MOK: variants seen among roughly 807,000 people sequenced by gnomAD.
MOK encodes MAPK/MAK/MRK overlapping kinase.
MOK carries 59 observed loss-of-function variants against 54.2 expected under a neutral mutation model. That is an observed-to-expected ratio of 1.09 (90% CI 0.88 to 1.35). The LOEUF is 1.35. MOK is among the 40% of genes most tolerant of loss of function. The probability of loss-of-function intolerance (pLI) is 0.00; values close to 1 mark genes in which losing one functional copy is unlikely to be tolerated. For missense variants in MOK, 517 were observed against 526.2 expected, an observed-to-expected ratio of 0.98 and a Z score of 0.17; for synonymous variants, 210 against 202.7, an observed-to-expected ratio of 1.04 and a Z score of -0.31.
rs191603691 is a variant in MOK, at chr14:102,271,960, C to G, written c.123-6048G>C. 3.0e-3 allele frequency among the ~76,000 whole-genome samples: 457 copies of G among 152,224 alleles called. 10 individuals are homozygous for G. Among genetic ancestry groups the G allele is most frequent in the Admixed American group, 0.023 (353 of 15,270 alleles). On this transcript the variant is annotated intron_variant, in intron 2 of 11. Transcript: ENST00000361847. ...GTAGTGTAATCACTGCTTACTGCAG[C>G]CTTGACCTCCTGATCTTAAGCCATC...
At chr14:102,295,925 C>T (rs945348001) in intron 1 of MOK, among the ~76,000 whole-genome samples, 7 of 152,148 alleles carry the variant, frequency 4.6e-5, no homozygotes, top group Admixed American at 3.3e-4. Flanking sequence ...CACTTCAGAT[C>T]AGGAGTTCAT....
At chr14:102,298,174 A>T (rs2071670128) in intron 1 of MOK, among the ~76,000 whole-genome samples, 1 of 152,224 alleles carries the variant, frequency 6.6e-6, no homozygotes, top group Non-Finnish European at 1.5e-5. Flanking sequence ...GGACTTAGAG[A>T]ACCTTTATGT....
chr14:102,261,397 AAAAAAAAAAAAAAAAAAAAAAATATAT>A (rs2067389656), intron 4 of MOK, among the ~76,000 whole-genome samples: 2 of 68,460 alleles, frequency 2.9e-5, no homozygotes, highest in South Asian at 1.1e-3. Context: ...AAAAAAAAAA[AAAAAAAAAAAAAAAAAAAAAAATATAT>A]ATATATATAT....
chr14:102,300,238 C>G (rs1482102869), intron 1 of MOK, among the ~76,000 whole-genome samples: 1 of 150,028 alleles, frequency 6.7e-6, no homozygotes, highest in African/African-American at 2.5e-5. Flanking sequence ...GCAGAAGAAT[C>G]ACTTGAACCC....
chr14:102,223,337 C>T (rs1397157807), downstream of MOK: 4 of 152,586 alleles, frequency 2.6e-5, no homozygotes, highest in Non-Finnish European at 5.9e-5. Context: ...CTGTTACTTT[C>T]TGACGTAATG....
chr14:102,227,075 ACAGT>A (rs891806562), downstream of MOK, among the ~76,000 whole-genome samples: 6 of 152,076 alleles, frequency 3.9e-5, no homozygotes, highest in African/African-American at 1.2e-4. Context: ...GAGGAGTGTG[ACAGT>A]CAGGACAGGG....
chr14:102,282,014 G>C (rs2069492447), intron 2 of MOK, among the ~76,000 whole-genome samples: 1 of 152,166 alleles, frequency 6.6e-6, no homozygotes, highest in South Asian at 2.1e-4. Context: ...TGCCCACCCA[G>C]TAATCTAGAA....
intron 7 of MOK, among the ~76,000 whole-genome samples, chr14:102,248,777 CAAA>C (rs1228394075): frequency 4.1e-5 from 2 of 49,128 alleles, no homozygotes; most frequent in Non-Finnish European, 4.2e-5. Flanking sequence ...GACTCCGTCT[CAAA>C]AAAAAAAAAA....
Position 102,229,126 on chromosome 14 carries a change from C to G in MOK, c.*163G>C. ...GAACATCCTAGGCAGCTGCGCGGGCCGCGGGTGCGGCAGGGCGCAGGGCAG... is the reference window on the plus strand; with the variant it reads ...GAACATCCTAGGCAGCTGCGCGGGCGGCGGGTGCGGCAGGGCGCAGGGCAG... On this transcript the variant is annotated 3_prime_UTR_variant, in exon 12 of 12. Transcript: ENST00000361847. 1.5e-6 allele frequency: 1 copy of G among 674,570 alleles called. No homozygotes were observed. The highest frequency in any genetic ancestry group is 2.1e-5 in the South Asian group (1 of 47,906). 41.8% of individuals were successfully genotyped at this position (674,570 alleles called of 1,614,324 possible).
chr14:102,283,218 T>C (rs1194844153), intron 2 of MOK: 6 of 329,764 alleles, frequency 1.8e-5, no homozygotes, highest in African/African-American at 1.1e-4. Context: ...TTTAGGAACA[T>C]ACAGACTGTT....
At chr14:102,294,210 G>T (rs1042302915) in intron 1 of MOK, among the ~76,000 whole-genome samples, 2 of 151,180 alleles carry the variant, frequency 1.3e-5, no homozygotes, top group Admixed American at 1.3e-4. Context: ...ACTTTGGGAG[G>T]CCAAGGCGGG....
chr14:102,286,344 G>A (rs377056384), intron 1 of MOK, among the ~76,000 whole-genome samples: 327 of 149,374 alleles, frequency 2.2e-3, no homozygotes, highest in East Asian at 8.7e-3. Flanking sequence ...TCCTCCGGCC[G>A]GGCGCAGTGG....
the MOK span, among the ~76,000 whole-genome samples, chr14:102,218,353 G>A: frequency 6.6e-6 from 1 of 152,174 alleles, no homozygotes; most frequent in African/African-American, 2.4e-5. Context: ...GGGGTCGTGG[G>A]GGTCAGAAGG....
At chr14:102,226,544 T>G, downstream of MOK, 1 of 675,200 alleles carries the variant, frequency 1.5e-6, no homozygotes, top group Admixed American at 2.1e-5. This position sits in a 1 kb window ranked among gnomAD's most constrained non-coding sequence, Gnocchi z 4.8. Context: ...CAAGGTGGCC[T>G]CCTATGGGCT....
Position 102,231,049 on chromosome 14 carries a change from C to G in MOK, c.981+658G>C, listed in dbSNP as rs1279084673. ...AGCGAGTGACGTACGGACGACCGAA[C>G]AGACGAATGATGGAAGGGCACACTG... On this transcript the variant is annotated intron_variant, in intron 10 of 11. Transcript: ENST00000361847. This position sits in a 1 kb window ranked among gnomAD's most constrained non-coding sequence, Gnocchi z 4.4. 6.6e-6 allele frequency: 1 copy of G among 152,230 alleles called. No individual in the cohort carries two copies. Among genetic ancestry groups the G allele is most frequent in the East Asian group, 1.9e-4 (1 of 5,194 alleles). 9.4% of individuals were successfully genotyped at this position (152,230 alleles called of 1,614,324 possible).
Position 102,279,284 on chromosome 14 carries a change from CGTT to C in MOK, c.122+4191_122+4193del, listed in dbSNP as rs71116892. ...TAGACTAAAAGCATAGCAAGAGAAC[CGTT>C]GTTGTTGTTGTTGTTGTTGTTGTTT... On this transcript the variant is annotated intron_variant, in intron 2 of 11. Coordinates refer to ENST00000361847, the MANE Select transcript of MOK (RefSeq NM_014226.3). Among the ~76,000 whole-genome samples, 53 of 150,888 alleles carry C rather than the reference CGTT, an allele frequency of 3.5e-4. No individual in the cohort carries two copies. The East Asian group carries it at 3.7e-3, about 10-fold the overall frequency.
rs1014539487 is a variant in MOK, at chr14:102,300,414, A to T, written c.7+4548T>A. 9.2e-5 allele frequency among the ~76,000 whole-genome samples: 13 copies of T among 142,016 alleles called. No individual in the cohort carries two copies. The Admixed American group carries it at 9.3e-4, about 10-fold the overall frequency. 93.2% of individuals were successfully genotyped at this position (142,016 alleles called of 152,430 possible). A position where few individuals can be genotyped will look rare whatever the true frequency, so the allele number is the denominator to read the frequency against. On this transcript the variant is annotated intron_variant, in intron 1 of 11. Transcript: ENST00000361847. ...AAAAAAAAAAATTAGCTGGGCGAGG[A>T]GGCACATGCCTGTGGTCCTAACTAC... is the stretch of plus-strand genomic sequence containing the variant.
chr14:102,242,699 C>T (rs564191766), intron 7 of MOK, among the ~76,000 whole-genome samples: 3 of 152,274 alleles, frequency 2.0e-5, no homozygotes, highest in African/African-American at 7.2e-5. Flanking sequence ...TACAATTCCC[C>T]CATTTTCCCT....
intron 2 of MOK, among the ~76,000 whole-genome samples, chr14:102,282,240 C>G (rs1337389778): frequency 6.6e-6 from 1 of 151,972 alleles, no homozygotes; most frequent in East Asian, 1.9e-4. Context: ...AATCCCATCT[C>G]CATTTTAAAA....
Sources: allele counts gnomAD v4.1 joint callset (sites outside exome capture counted in the v4.1 genomes callset), GRCh38; gene constraint gnomAD v4.1.1; non-coding constraint Gnocchi (gnomAD v3.1); transcripts MANE v1.5; gene names NCBI Gene and HGNC (gene_info 2026-07-23, HGNC 2026-07-21).